Variants in DCTN4 observed in about 807,000 individuals in gnomAD.
DCTN4 encodes the protein dynactin subunit 4.
DCTN4 carries 23 observed loss-of-function variants against 62.7 expected under a neutral mutation model. The ratio of observed to expected loss-of-function variants is 0.37; its 90% CI spans 0.26 to 0.52. The LOEUF is 0.52. Ranked by LOEUF, DCTN4 falls within the 20% of genes least tolerant of loss-of-function variation. The pLI, the probability that DCTN4 is intolerant of heterozygous loss-of-function variation, is 0.92. For missense variants in DCTN4, 514 were observed against 580.4 expected, an observed-to-expected ratio of 0.89 and a Z score of 1.18; for synonymous variants, 199 against 202.1, an observed-to-expected ratio of 0.98 and a Z score of 0.13.
At chr5:150,738,964 T>C (rs1221158843) in intron 4 of DCTN4, among the ~76,000 whole-genome samples, 4 of 151,854 alleles carry the variant, frequency 2.6e-5, no homozygotes, top group African/African-American at 9.7e-5. Context: ...GAGGCCGAGG[T>C]GGACAGATCA....
intron 1 of DCTN4, chr5:150,758,068 T>C: frequency 4.1e-6 from 4 of 984,144 alleles, no homozygotes; most frequent in African/African-American, 1.7e-5. Flanking sequence ...AGCTTTTTCT[T>C]CACTAAGACT....
At chr5:150,728,148 G>C (rs1191143131) in intron 8 of DCTN4, among the ~76,000 whole-genome samples, 1 of 152,054 alleles carries the variant, frequency 6.6e-6, no homozygotes, top group Non-Finnish European at 1.5e-5. Flanking sequence ...GTACTAAATG[G>C]AAATAAAGTG....
intron 3 of DCTN4, among the ~76,000 whole-genome samples, chr5:150,746,524 A>T (rs1252776455): frequency 6.6e-6 from 1 of 152,186 alleles, no homozygotes; most frequent in Non-Finnish European, 1.5e-5. Context: ...ATGAACATTG[A>T]TGCAAAAATC....
intron 9 of DCTN4, 26 bp from the exon 10 acceptor site, chr5:150,719,796 A>C (rs1759894884): frequency 6.8e-7 from 1 of 1,478,896 alleles, no homozygotes; most frequent in Admixed American, 1.7e-5. Flanking sequence ...AAAATGCATT[A>C]ATGTTCATTG....
intron 1 of DCTN4, among the ~76,000 whole-genome samples, chr5:150,757,313 A>T (rs1561714534): frequency 6.6e-6 from 1 of 152,244 alleles, no homozygotes; most frequent in Non-Finnish European, 1.5e-5. Context: ...TCATCAAAAA[A>T]GGCAAAATAC....
intron 12 of DCTN4, among the ~76,000 whole-genome samples, chr5:150,712,521 A>C (rs1057451759): frequency 6.6e-6 from 1 of 152,042 alleles, no homozygotes; most frequent in Non-Finnish European, 1.5e-5. Flanking sequence ...TTGACCTCCT[A>C]AGCTCAAATG....
intron 8 of DCTN4, among the ~76,000 whole-genome samples, chr5:150,729,759 C>A (rs1760291039): frequency 6.6e-6 from 1 of 151,998 alleles, no homozygotes; most frequent in Non-Finnish European, 1.5e-5. Flanking sequence ...GTAGCTGGGA[C>A]TACAAGTGCA....
chr5:150,731,454 T>C lies in DCTN4; in HGVS notation c.573A>G (p.Pro191=). 1 of 1,613,978 alleles carries C rather than the reference T, an allele frequency of 6.2e-7. No homozygotes were observed. The highest frequency in any genetic ancestry group is 8.5e-7 in the Non-Finnish European group (1 of 1,180,020). Residue 191 remains proline (P), a synonymous_variant, in exon 6 of 13, where the codon CCA becomes CCG. Transcript: ENST00000447998. ...KYGLGTRLQR[P]RAGASISTLA... is the part of the protein sequence containing the mutation. The stretch of plus-strand genomic sequence containing the variant: ...GGGTACTGATGGATGCACCAGCTCG[T>C]GGTCGCTGAAGCCTGGTTCCAAGAC...
At chr5:150,738,335 T>A (rs746674300) in intron 4 of DCTN4, among the ~76,000 whole-genome samples, 3 of 152,082 alleles carry the variant, frequency 2.0e-5, no homozygotes, top group African/African-American at 7.2e-5. Context: ...CAGACAGATA[T>A]CCCTGATGAA....
At chr5:150,715,377 C>T (rs1759716282) in intron 12 of DCTN4, among the ~76,000 whole-genome samples, 188 bp downstream of exon 12, 1 of 152,132 alleles carries the variant, frequency 6.6e-6, no homozygotes. Context: ...GTGTTTATCT[C>T]TGGTGGTGGG....
chr5:150,733,643 T>C, intron 4 of DCTN4, 168 bp from the exon 5 acceptor site: 1 of 487,626 alleles, frequency 2.1e-6, no homozygotes, highest in East Asian at 3.3e-5. Flanking sequence ...TGATCTGTTT[T>C]CCGAAGTGAA....
Position 150,753,017 on chromosome 5 carries a change from C to G in DCTN4, c.385+462G>C, listed in dbSNP as rs375010225. 9.9e-5 allele frequency among the ~76,000 whole-genome samples: 15 copies of G among 152,266 alleles called. No individual in the cohort carries two copies. The East Asian group carries it at 2.1e-3, about 22-fold the overall frequency. On this transcript the variant is annotated intron_variant, in intron 3 of 12. Transcript: ENST00000447998. ...GAGTAGCTGGGACTACAGGTGCCCC[C>G]ACCACGCCCAGCTAATTTTTGTATT... is the stretch of plus-strand genomic sequence containing the variant.
chr5:150,733,296 GCCA>G, intron 5 of DCTN4, 69 bp downstream of exon 5: 1 of 1,058,918 alleles, frequency 9.4e-7, no homozygotes, highest in Non-Finnish European at 1.4e-6. Flanking sequence ...TAGGACAATG[GCCA>G]TTTTCTGAAA....
chr5:150,716,152 C>T (rs1759749715), intron 11 of DCTN4, among the ~76,000 whole-genome samples: 1 of 152,218 alleles, frequency 6.6e-6, no homozygotes, highest in Admixed American at 6.5e-5. Flanking sequence ...GATCCACTTG[C>T]CTCGGCCTCC....
chr5:150,738,866 G>T (rs180752254), intron 4 of DCTN4, among the ~76,000 whole-genome samples: 32 of 152,220 alleles, frequency 2.1e-4, no homozygotes, highest in Admixed American at 3.9e-4. Context: ...AAACCCTAGA[G>T]ACTTATCCAA....
chr5:150,722,823 G>T, intron 9 of DCTN4, 84 bp downstream of exon 9: 2 of 979,298 alleles, frequency 2.0e-6, no homozygotes, highest in Non-Finnish European at 3.0e-6. Flanking sequence ...TAGGCCAAGA[G>T]TAAACACACT....
At chr5:150,711,493 T>A in intron 12 of DCTN4, 131 bp from the exon 13 acceptor site, 1 of 725,726 alleles carries the variant, frequency 1.4e-6, no homozygotes, top group Non-Finnish European at 2.2e-6. Context: ...ACTTTGTTCT[T>A]AACCTACCAA....
chr5:150,758,706 T>G, intron 1 of DCTN4, 153 bp downstream of exon 1: 2 of 1,344,518 alleles, frequency 1.5e-6, no homozygotes, highest in Non-Finnish European at 2.0e-6. Context: ...AGTGACAGAT[T>G]AGAAGCAAAT....
intron 1 of DCTN4, chr5:150,758,397 C>A: frequency 1.0e-6 from 1 of 990,512 alleles, no homozygotes; most frequent in Non-Finnish European, 1.2e-6. Flanking sequence ...AGGAACAGGG[C>A]AAGGCAGTCT....
Sources: allele counts gnomAD v4.1 joint callset (sites outside exome capture counted in the v4.1 genomes callset), GRCh38; gene constraint gnomAD v4.1.1; transcripts MANE v1.5; gene names NCBI Gene and HGNC (gene_info 2026-07-23, HGNC 2026-07-21).